The following SHISA9 variants were observed in gnomAD, a reference collection of about 807,000 sequenced individuals.
The protein encoded by SHISA9 is protein shisa-9.
A neutral mutation model predicts 38.0 loss-of-function variants in SHISA9; 13 were observed. That is an observed-to-expected ratio of 0.34 (90% CI 0.22 to 0.54). The LOEUF (loss-of-function observed/expected upper bound fraction) is 0.54, where lower values mean the gene tolerates loss of function less well. SHISA9 is among the 20% of genes least tolerant of loss of function. The pLI, the probability that SHISA9 is intolerant of heterozygous loss-of-function variation, is 0.91. For missense variants in SHISA9, 538 were observed against 575.8 expected, an observed-to-expected ratio of 0.93 and a Z score of 0.67; for synonymous variants, 275 against 242.0, an observed-to-expected ratio of 1.14 and a Z score of -1.27.
At chr16:13,304,387 G>A in the SHISA9 span, among the ~76,000 whole-genome samples, 1 of 152,146 alleles carries the variant, frequency 6.6e-6, no homozygotes, top group Admixed American at 6.5e-5. Context: ...AGCCTCCCAA[G>A]TATCTGTGAT....
intron 2 of SHISA9, among the ~76,000 whole-genome samples, chr16:12,967,978 T>G (rs1265567261): frequency 1.3e-5 from 2 of 151,844 alleles, no homozygotes; most frequent in Admixed American, 6.6e-5. Context: ...TCACCTTAGG[T>G]CAGGAGTTCA....
chr16:13,225,327 A>G (rs905987948), intron 4 of SHISA9, among the ~76,000 whole-genome samples: 3 of 152,192 alleles, frequency 2.0e-5, no homozygotes, highest in African/African-American at 7.2e-5. Flanking sequence ...TAAGCCATCA[A>G]GTTTGTGGTA....
chr16:13,472,107 G>A, the SHISA9 span, among the ~76,000 whole-genome samples: 1 of 152,138 alleles, frequency 6.6e-6, no homozygotes, highest in Admixed American at 6.5e-5. Context: ...TTCATTCCCT[G>A]TTCTGACTCT....
intron 2 of SHISA9, among the ~76,000 whole-genome samples, chr16:13,168,889 C>T (rs776343170): frequency 2.0e-5 from 3 of 152,174 alleles, no homozygotes; most frequent in Non-Finnish European, 2.9e-5. Context: ...CTCACAGAGC[C>T]GACATGAGAA....
chr16:13,117,408 C>T (rs963805175), intron 2 of SHISA9, among the ~76,000 whole-genome samples: 1 of 152,088 alleles, frequency 6.6e-6, no homozygotes, highest in Admixed American at 6.6e-5. Context: ...CGAATGGTGA[C>T]CTTCCAGAAA....
downstream of SHISA9, among the ~76,000 whole-genome samples, chr16:13,240,589 G>A (rs1357462077): frequency 1.3e-5 from 2 of 152,180 alleles, no homozygotes; most frequent in Non-Finnish European, 1.5e-5. Context: ...CATTTTCCAG[G>A]AGACTTTGTG....
chr16:13,370,550 C>T, the SHISA9 span, among the ~76,000 whole-genome samples: 7 of 152,276 alleles, frequency 4.6e-5, no homozygotes, highest in African/African-American at 1.7e-4. Flanking sequence ...GCTGAGTGGA[C>T]CTTCTTCTGA....
chr16:12,908,572 G>A (rs1430413905), intron 1 of SHISA9: 5 of 1,551,780 alleles, frequency 3.2e-6, no homozygotes, highest in South Asian at 1.2e-5. Flanking sequence ...TTCAAACCTG[G>A]ACAGTCTGAG....
intron 2 of SHISA9, among the ~76,000 whole-genome samples, chr16:13,129,897 T>G (rs935455280): frequency 6.6e-6 from 1 of 152,152 alleles, no homozygotes; most frequent in Admixed American, 6.5e-5. Context: ...AGAGTGAAGC[T>G]CCTCCACTCT....
chr16:12,958,901 T>C (rs1311243966), intron 2 of SHISA9, among the ~76,000 whole-genome samples: 1 of 152,168 alleles, frequency 6.6e-6, no homozygotes, highest in Admixed American at 6.5e-5. Context: ...AGTATTTTTC[T>C]TTCTCCCATG....
chr16:13,227,310 G>C (rs920090088), intron 4 of SHISA9, among the ~76,000 whole-genome samples: 1 of 152,226 alleles, frequency 6.6e-6, no homozygotes, highest in African/African-American at 2.4e-5. Context: ...TACTGAAGTA[G>C]AACAATGTTC....
At chr16:13,058,047 A>C (rs193095116) in intron 2 of SHISA9, among the ~76,000 whole-genome samples, 252 of 152,334 alleles carry the variant, frequency 1.7e-3, no homozygotes, top group Non-Finnish European at 2.5e-3. Context: ...CTTAATCAAC[A>C]GTGCACCTCA....
chr16:13,512,955 A>C, the SHISA9 span, among the ~76,000 whole-genome samples: 1 of 152,238 alleles, frequency 6.6e-6, no homozygotes, highest in Admixed American at 6.5e-5. Flanking sequence ...ATGGGCAAAG[A>C]CTTCATAATG....
At chr16:13,551,803 C>T in the SHISA9 span, among the ~76,000 whole-genome samples, 2 of 152,106 alleles carry the variant, frequency 1.3e-5, no homozygotes, top group African/African-American at 4.8e-5. Context: ...CCGAGGTGGG[C>T]AGATCACGAG....
At chr16:13,108,909 C>A (rs1399076876) in intron 2 of SHISA9, among the ~76,000 whole-genome samples, 1 of 152,146 alleles carries the variant, frequency 6.6e-6, no homozygotes, top group Non-Finnish European at 1.5e-5. Flanking sequence ...TGAGCTAAAA[C>A]CTTCCAGAGC....
At chr16:13,198,655 T>C (rs1387271072) in intron 2 of SHISA9, among the ~76,000 whole-genome samples, 1 of 152,198 alleles carries the variant, frequency 6.6e-6, no homozygotes, top group East Asian at 1.9e-4. Context: ...CCAGGTCTGG[T>C]CTCTATCTTC....
chr16:13,467,122 G>A, the SHISA9 span, among the ~76,000 whole-genome samples: 1 of 152,176 alleles, frequency 6.6e-6, no homozygotes, highest in Non-Finnish European at 1.5e-5. Context: ...GGATTGAAGA[G>A]TGCCTAGATG....
At chr16:13,439,982 G>A in the SHISA9 span, among the ~76,000 whole-genome samples, 20 of 152,182 alleles carry the variant, frequency 1.3e-4, no homozygotes. Flanking sequence ...TGCTGTTAAG[G>A]AACTGAGTTA....
intron 2 of SHISA9, among the ~76,000 whole-genome samples, chr16:13,124,616 A>G (rs1321048087): frequency 1.1e-4 from 16 of 152,190 alleles, no homozygotes; most frequent in Admixed American, 1.0e-3. Context: ...TGTGAAGACA[A>G]TCCTAAAACT....
Sources: gnomAD v4.1 joint callset for allele counts (sites outside exome capture counted in the v4.1 genomes callset) on GRCh38, gnomAD v4.1.1 for gene constraint, MANE v1.5 for transcripts, NCBI Gene and HGNC (gene_info 2026-07-23, HGNC 2026-07-21) for gene names.